CREBBP: variants seen among roughly 807,000 people sequenced by gnomAD.
CREBBP encodes CREB binding lysine acetyltransferase, also known as CREB-binding protein.
CREBBP carries 19 observed loss-of-function variants against 265.0 expected under a neutral mutation model. The ratio of observed to expected loss-of-function variants is 0.07; its 90% CI spans 0.05 to 0.11. CREBBP has a LOEUF of 0.11. Among genes scored for constraint, CREBBP ranks in the 10% least tolerant of loss-of-function variants. CREBBP has a pLI of 1.00. For synonymous variants in CREBBP, 1,457 were observed against 1,223.7 expected, an observed-to-expected ratio of 1.19 and a Z score of -3.98; for missense variants, 2,525 against 3,219.0, an observed-to-expected ratio of 0.78 and a Z score of 5.22.
intron 3 of CREBBP, among the ~76,000 whole-genome samples, chr16:3,800,806 C>T (rs2053697589): frequency 1.3e-5 from 2 of 152,312 alleles, no homozygotes; most frequent in East Asian, 3.9e-4. Context: ...CAGGAGAAGA[C>T]TGTACAATTA....
chr16:3,860,693 A>T (rs759129533), intron 1 of CREBBP, among the ~76,000 whole-genome samples: 3 of 152,244 alleles, frequency 2.0e-5, no homozygotes, highest in Non-Finnish European at 4.4e-5. Context: ...AAAACTACAT[A>T]CAAAAAACTT....
In CREBBP at chr16:3,850,314, C is replaced by A. The variant is rs2141489131; in HGVS notation, c.781G>T (p.Ala261Ser). 1 of 1,614,228 alleles carries A rather than the reference C, an allele frequency of 6.2e-7. No homozygotes were observed. The highest frequency in any genetic ancestry group is 1.7e-4 in the Middle Eastern group (1 of 6,060). Residue 261 changes from alanine to serine, a missense_variant, in exon 2 of 31, where the codon GCA (alanine) becomes TCA (serine). Physicochemically the swap from Ala to Ser is moderately conservative, Grantham distance 99. This residue lies in a region of CREBBP where 356 missense variants were observed against 340.4 expected (regional missense o/e 1.05). Coordinates refer to ENST00000262367, the MANE Select transcript of CREBBP (RefSeq NM_004380.3). ...TCACTTACCTTGGCCATGCCTCCTG[C>A]CTGTGCGGTGTTCAGTCCCGCGTGA... ...TGHAGLNTAQ[A>S]GGMAKMGITG...
chr16:3,740,477 G>T lies in CREBBP; in HGVS notation c.4055C>A (p.Pro1352His), dbSNP rs2151340619. Residue 1352 changes from proline to histidine, a missense_variant, in exon 24 of 31, where the codon CCT (proline) becomes CAT (histidine). Physicochemically the swap from Pro to His is moderately conservative, Grantham distance 77. Coordinates refer to ENST00000262367, the MANE Select transcript of CREBBP (RefSeq NM_004380.3). ...TCGGACAAAAACCTCCCCGGCTTCAGGGTGATTCTGGCGCCGCAAAAATTT... is the reference window on the plus strand; with the variant it reads ...TCGGACAAAAACCTCCCCGGCTTCATGGTGATTCTGGCGCCGCAAAAATTT... ...VNKFLRRQNHPEAGEVFVRVV... is the reference protein window; with the variant it reads ...VNKFLRRQNHHEAGEVFVRVV... 7 of 1,614,212 alleles carry T rather than the reference G, an allele frequency of 4.3e-6. No homozygotes were observed. Among genetic ancestry groups the T allele is most frequent in the Non-Finnish European group, 5.9e-6 (7 of 1,180,030 alleles).
Position 3,880,640 on chromosome 16 carries a change from G to T in CREBBP, c.-724C>A, listed in dbSNP as rs2141620346. ...GCGGGCGGTTGTGGGGCCCGGGACC[G>T]GCGGGGCCGAGTAGATCGCGCTCGA... On this transcript the variant is annotated 5_prime_UTR_variant, in exon 1 of 31. Transcript: ENST00000262367. The T allele has an allele frequency of 6.8e-6, 1 of 147,542 alleles. No individual in the cohort carries two copies. Among genetic ancestry groups the T allele is most frequent in the South Asian group, 2.0e-4 (1 of 4,886 alleles). 9.1% of individuals were successfully genotyped at this position (147,542 alleles called of 1,614,324 possible).
At chr16:3,801,259 G>A (rs939276189) in intron 3 of CREBBP, among the ~76,000 whole-genome samples, 3 of 152,164 alleles carry the variant, frequency 2.0e-5, no homozygotes, top group Non-Finnish European at 4.4e-5. Flanking sequence ...GAAAACTGGT[G>A]AACAACAGGA....
At position 3,846,858 on chromosome 16, in the gene CREBBP, G is replaced by A. The variant is rs146060741; in HGVS notation, c.798+3439C>T. ...ATAGTTGCCTTTGGTGAGAATTTGG[G>A]AGAACCAAAATTCAAGAATTAAGAA... is the stretch of plus-strand genomic sequence containing the variant. On this transcript the variant is annotated intron_variant, in intron 2 of 30. Transcript: ENST00000262367. Among the ~76,000 whole-genome samples the A allele has an allele frequency of 1.0e-3, 157 of 152,272 alleles. 1 individual carries two copies. The highest frequency in any genetic ancestry group is 3.6e-3 in the African/African-American group (150 of 41,556).
Position 3,850,665 on chromosome 16 carries a change from T to C in CREBBP, c.430A>G (p.Thr144Ala), listed in dbSNP as rs1479590501. 1 of 1,614,032 alleles carries C rather than the reference T, an allele frequency of 6.2e-7. No homozygotes were observed. Among genetic ancestry groups the C allele is most frequent in the Admixed American group, 1.7e-5 (1 of 60,000 alleles). Reference protein sequence around the residue: ...PKQAASTSGPTPAASQALNPQ... With the variant: ...PKQAASTSGPAPAASQALNPQ... ...TTCAGTGCTTGGGAGGCAGCGGGGGTGGGCCCAGAGGTGCTGGCTGCCTGT... is the reference window on the plus strand; with the variant it reads ...TTCAGTGCTTGGGAGGCAGCGGGGGCGGGCCCAGAGGTGCTGGCTGCCTGT... The change falls in exon 2 of 31, where the codon ACC becomes GCC. Residue 144 changes from threonine (T) to alanine (A), a missense_variant. Coordinates refer to ENST00000262367, the MANE Select transcript of CREBBP (RefSeq NM_004380.3).
At chr16:3,801,235 A>T (rs1466448481) in intron 3 of CREBBP, among the ~76,000 whole-genome samples, 1 of 152,214 alleles carries the variant, frequency 6.6e-6, no homozygotes, top group Non-Finnish European at 1.5e-5. Flanking sequence ...AAGTGTTCTA[A>T]GAGAATCTGA....
intron 19 of CREBBP, among the ~76,000 whole-genome samples, chr16:3,753,022 G>T (rs569634621): frequency 5.7e-4 from 87 of 152,344 alleles, no homozygotes; most frequent in African/African-American, 1.9e-3. Context: ...ACACAAGCGA[G>T]AAGAATGAGT....
At chr16:3,810,148 T>C (rs1051723312) in intron 3 of CREBBP, among the ~76,000 whole-genome samples, 5 of 152,176 alleles carry the variant, frequency 3.3e-5, no homozygotes, top group Non-Finnish European at 7.3e-5. Context: ...TGAAGACACG[T>C]GGAATCATCT....
Position 3,880,103 on chromosome 16 carries a change from A to G in CREBBP, c.-187T>C. On this transcript the variant is annotated 5_prime_UTR_variant, in exon 1 of 31. Transcript: ENST00000262367. The stretch of plus-strand genomic sequence containing the variant: ...GAGGCGGCGGCCAAATCTCAGCCAC[A>G]GCAACAGCGCCCCGCAGCGCTCACC... 4.1e-6 allele frequency: 1 copy of G among 246,010 alleles called. No individual in the cohort carries two copies. The highest frequency in any genetic ancestry group is 7.4e-6 in the Non-Finnish European group (1 of 134,910). The allele number at this position is 246,010 out of a possible 1,614,324, so 15.2% of individuals were successfully genotyped here. A position where few individuals can be genotyped will look rare whatever the true frequency, so the allele number is the denominator to read the frequency against.
At chr16:3,879,374 T>C (rs540064059) in intron 1 of CREBBP, among the ~76,000 whole-genome samples, 20 of 152,340 alleles carry the variant, frequency 1.3e-4, no homozygotes, top group Non-Finnish European at 2.2e-4. Flanking sequence ...GTCCTCTGAA[T>C]GCAGCCTGGT....
chr16:3,855,762 C>CA lies in CREBBP; in HGVS notation c.86-4754dup, dbSNP rs369929660. On this transcript the variant is annotated intron_variant, in intron 1 of 30. Transcript: ENST00000262367. ...CAACATGCTTCTGAGGGTTCCAATC[C>CA]ATAGTTTTTACGCTATTTTGCTATC... 8.9e-3 allele frequency among the ~76,000 whole-genome samples: 1,359 copies of CA among 152,294 alleles called. 13 individuals carry two copies. Among genetic ancestry groups the CA allele is most frequent in the African/African-American group, 0.03 (1,257 of 41,544 alleles).
At chr16:3,826,912 C>A (rs566381045) in intron 2 of CREBBP, among the ~76,000 whole-genome samples, 4 of 152,172 alleles carry the variant, frequency 2.6e-5, no homozygotes, top group Admixed American at 6.5e-5. Flanking sequence ...AAGAGGCTAA[C>A]AATAGGAAGT....
At position 3,777,712 on chromosome 16, in the gene CREBBP, C is replaced by A. The variant is rs2053178068; in HGVS notation, c.2114-55G>T. 5 of 1,596,096 alleles carry A rather than the reference C, an allele frequency of 3.1e-6. No individual in the cohort carries two copies. In the South Asian group the frequency reaches 5.5e-5, roughly 18 times the overall value. On this transcript the variant is annotated intron_variant, in intron 10 of 30. Coordinates refer to ENST00000262367, the MANE Select transcript of CREBBP (RefSeq NM_004380.3). ...AACCACCCTAGTTATTTAATATAATCCTTGATTCAGGAATAGGAAATTTCT... is the reference window on the plus strand; with the variant it reads ...AACCACCCTAGTTATTTAATATAATACTTGATTCAGGAATAGGAAATTTCT...
intron 2 of CREBBP, among the ~76,000 whole-genome samples, chr16:3,823,957 A>AACACACACACACAC (rs57902688): frequency 2.9e-4 from 43 of 148,134 alleles, no homozygotes; most frequent in Admixed American, 2.2e-3. Flanking sequence ...AGGCTGTGGC[A>AACACACACACACAC]ACACACACAC....
Position 3,738,466 on chromosome 16 carries a change from A to G in CREBBP, c.4394+93T>C. 3.7e-6 allele frequency: 3 copies of G among 817,350 alleles called. No homozygotes were observed. In the South Asian group the frequency reaches 4.4e-5, roughly 12 times the overall value. 50.6% of individuals were successfully genotyped at this position (817,350 alleles called of 1,614,324 possible). A position where few individuals can be genotyped will look rare whatever the true frequency, so the allele number is the denominator to read the frequency against. On this transcript the variant is annotated intron_variant, in intron 26 of 30. Transcript: ENST00000262367. ...TCTTAGGATGGAAAAATAAAAACGCATAAAACTTAAAATACCCATTATTTC... is the reference window on the plus strand; with the variant it reads ...TCTTAGGATGGAAAAATAAAAACGCGTAAAACTTAAAATACCCATTATTTC...
In CREBBP at chr16:3,727,707, C is replaced by T. The variant is rs1386623585; in HGVS notation, c.*11G>A. ...AGAACATGAAAGGGAAAAGGTGATG[C>T]TCTCACAATGCTACAAGCCCTCCAC... On this transcript the variant is annotated 3_prime_UTR_variant, in exon 31 of 31. Coordinates refer to ENST00000262367, the MANE Select transcript of CREBBP (RefSeq NM_004380.3). 6.2e-7 allele frequency: 1 copy of T among 1,613,938 alleles called. No homozygotes were observed. Among genetic ancestry groups the T allele is most frequent in the Non-Finnish European group, 8.5e-7 (1 of 1,180,032 alleles).
Position 3,812,122 on chromosome 16 carries a change from C to T in CREBBP, c.799-1343G>A, listed in dbSNP as rs1019756917. 2.6e-5 allele frequency among the ~76,000 whole-genome samples: 4 copies of T among 151,876 alleles called. No individual in the cohort carries two copies. The South Asian group carries it at 6.2e-4, about 24-fold the overall frequency. Reference sequence around the variant, plus strand: ...TGATAATCACTAACCAAGCAGTAGGCGATGGGTACAGAGAGGTTATAGTAT... The same window carrying T: ...TGATAATCACTAACCAAGCAGTAGGTGATGGGTACAGAGAGGTTATAGTAT... On this transcript the variant is annotated intron_variant, in intron 2 of 30. Coordinates refer to ENST00000262367, the MANE Select transcript of CREBBP (RefSeq NM_004380.3).
Sources: allele counts gnomAD v4.1 joint callset (sites outside exome capture counted in the v4.1 genomes callset), GRCh38; gene constraint gnomAD v4.1.1; regional missense constraint gnomAD v4.1.1; transcripts MANE v1.5; gene names NCBI Gene and HGNC (gene_info 2026-07-23, HGNC 2026-07-21).